TIGD6: variants seen among roughly 807,000 people sequenced by gnomAD.
TIGD6 encodes the protein tigger transposable element-derived protein 6.
Under a neutral mutation model 2.6 loss-of-function variants are expected in TIGD6, and 1 was observed. The observed-to-expected ratio is 0.39, with a 90% confidence interval of 0.14 to 1.85. The LOEUF (loss-of-function observed/expected upper bound fraction) is 1.85. Ranked by LOEUF, TIGD6 falls within the 40% of genes most tolerant of loss-of-function variation. The probability of loss-of-function intolerance (pLI) is 0.32; values close to 1 mark genes in which losing one functional copy is unlikely to be tolerated. For missense variants in TIGD6, 601 were observed against 634.2 expected (o/e 0.95, Z 0.56); for synonymous variants, 193 against 221.9 (o/e 0.87, Z 1.16).
In TIGD6 at chr5:149,995,454, G is replaced by A; in HGVS notation, c.895C>T (p.Gln299Ter). ...CAGTTGGAGGGCAGATACCCAACCT[G>A]AATCCTTTCCAAGTGTGGAAGCATG... is the stretch of plus-strand genomic sequence containing the variant. ...HNMLPHLERI[Q>*]VGYLPSNCTA... is the part of the protein sequence containing the mutation. The change falls in exon 2 of 2, where the codon CAG becomes TAG. Residue 299 changes from glutamine to a stop codon, truncating the protein, a stop_gained. Transcript: ENST00000296736. LOFTEE classifies it low-confidence loss of function (END_TRUNC). 6.2e-6 allele frequency: 10 copies of A among 1,614,244 alleles called. No homozygotes were observed. Among genetic ancestry groups the A allele is most frequent in the Non-Finnish European group, 8.5e-6 (10 of 1,180,038 alleles).
At chr5:149,998,238 G>A (rs554838858) in intron 1 of TIGD6, among the ~76,000 whole-genome samples, 10 of 152,174 alleles carry the variant, frequency 6.6e-5, no homozygotes, top group Non-Finnish European at 1.3e-4. Context: ...GCTGTTCTGT[G>A]GAAAATGGAT....
rs778974944 is a variant in TIGD6, at chr5:149,995,158, G to A, written c.1191C>T (p.Ala397=). Residue 397 remains alanine, a synonymous_variant, in exon 2 of 2, where the codon GCC becomes GCT. Transcript: ENST00000296736. ...TESAASEPDI[A]IEKLWHTVAI... ...CCACTGTGTGCCACAACTTTTCAAT[G>A]GCAATGTCTGGTTCACTGGCTGCTG... The A allele has an allele frequency of 6.2e-7, 1 of 1,614,214 alleles. No individual in the cohort carries two copies. Among genetic ancestry groups the A allele is most frequent in the South Asian group, 1.1e-5 (1 of 91,084 alleles).
At chr5:149,999,492 G>A (rs1417445280) in intron 1 of TIGD6, among the ~76,000 whole-genome samples, 2 of 152,050 alleles carry the variant, frequency 1.3e-5, no homozygotes, top group African/African-American at 4.8e-5. Context: ...GAGATGGTGA[G>A]TAGTAGTCAG....
intron 1 of TIGD6, among the ~76,000 whole-genome samples, chr5:149,997,991 G>A (rs899060692): frequency 9.2e-5 from 14 of 152,090 alleles, no homozygotes; most frequent in African/African-American, 3.1e-4. Flanking sequence ...ATAACTGGGT[G>A]TGGTGGCGCA....
chr5:149,997,818 G>A (rs963051915), intron 1 of TIGD6, among the ~76,000 whole-genome samples: 22 of 151,934 alleles, frequency 1.4e-4, no homozygotes, highest in Non-Finnish European at 2.5e-4. Flanking sequence ...AAAATTAGCC[G>A]GGCGTGGTGG....
In TIGD6 at chr5:149,996,093, A is replaced by ATGG. The variant is rs1755379306; in HGVS notation, c.255_256insCCA (p.Trp85_Phe86insPro). ...ATGTTTTTGGCATGGATTTCTTGAAACCAAGCAAAAACAGCCTTATCAATG... is the reference window on the plus strand; with the variant it reads ...ATGTTTTTGGCATGGATTTCTTGAAATGGCCAAGCAAAAACAGCCTTATCAATG... On this transcript the variant is annotated inframe_insertion, in exon 2 of 2. Coordinates refer to ENST00000296736, the MANE Select transcript of TIGD6 (RefSeq NM_030953.4). 1 of 1,613,950 alleles carries ATGG rather than the reference A, an allele frequency of 6.2e-7. No homozygotes were observed. The highest frequency in any genetic ancestry group is 8.5e-7 in the Non-Finnish European group (1 of 1,180,012).
intron 1 of TIGD6, among the ~76,000 whole-genome samples, chr5:149,997,145 A>C (rs1172798197): frequency 6.6e-6 from 1 of 152,254 alleles, no homozygotes; most frequent in African/African-American, 2.4e-5. Context: ...TAAAAGAGGA[A>C]GATCTACTTA....
At chr5:149,997,834 G>A (rs569090679) in intron 1 of TIGD6, among the ~76,000 whole-genome samples, 8 of 152,202 alleles carry the variant, frequency 5.3e-5, no homozygotes, top group South Asian at 2.1e-4. Flanking sequence ...GGTGGCGGGC[G>A]CCTGTAGTCC....
chr5:150,000,080 G>C (rs1047832364), intron 1 of TIGD6: 2 of 154,526 alleles, frequency 1.3e-5, no homozygotes, highest in African/African-American at 4.8e-5. Context: ...ATACAGTGAG[G>C]GTTGTGCGGG....
At position 149,997,418 on chromosome 5, in the gene TIGD6, A is replaced by G. The variant is rs1055881683; in HGVS notation, c.-81-989T>C. 3.7e-3 allele frequency among the ~76,000 whole-genome samples: 548 copies of G among 149,238 alleles called. 8 individuals carry two copies. The highest frequency in any genetic ancestry group is 0.013 in the African/African-American group (507 of 40,012). ...CCGGGCGTGGTGGCGGGTGCCTGTAATCCCAGCTACTTGGGATGCTAAGGC... is the reference window on the plus strand; with the variant it reads ...CCGGGCGTGGTGGCGGGTGCCTGTAGTCCCAGCTACTTGGGATGCTAAGGC... On this transcript the variant is annotated intron_variant, in intron 1 of 1. Coordinates refer to ENST00000296736, the MANE Select transcript of TIGD6 (RefSeq NM_030953.4).
Position 149,996,177 on chromosome 5 carries a change from C to A in TIGD6, c.172G>T (p.Val58Leu). The change falls in exon 2 of 2, where the codon GTG becomes TTG. Residue 58 changes from valine to leucine, a missense_variant. Coordinates refer to ENST00000296736, the MANE Select transcript of TIGD6 (RefSeq NM_030953.4). ...LKDRTKFEEK[V>L]REASVGPQRK... ...TGGGGTCCCACGGATGCCTCCCGCA[C>A]CTTTTCTTCAAATTTGGTGCGATCC... is the stretch of plus-strand genomic sequence containing the variant. 1.9e-6 allele frequency: 3 copies of A among 1,614,206 alleles called. No individual in the cohort carries two copies. Among genetic ancestry groups the A allele is most frequent in the South Asian group, 1.1e-5 (1 of 91,084 alleles).
At position 149,995,659 on chromosome 5, in the gene TIGD6, A is replaced by T; in HGVS notation, c.690T>A (p.Gly230=). 6.2e-7 allele frequency: 1 copy of T among 1,614,200 alleles called. No homozygotes were observed. The highest frequency in any genetic ancestry group is 8.5e-7 in the Non-Finnish European group (1 of 1,180,034). ...TGAGGCAGTGTGGGCTGGCTGACCTACCAACAATCAATGGTCTCATTTTTT... is the reference window on the plus strand; with the variant it reads ...TGAGGCAGTGTGGGCTGGCTGACCTTCCAACAATCAATGGTCTCATTTTTT... The part of the protein sequence containing the change: ...GTEKMRPLIV[G]RSASPHCLKN... The change falls in exon 2 of 2, where the codon GGT becomes GGA. Residue 230 remains glycine (G), a synonymous_variant. Transcript: ENST00000296736.
intron 1 of TIGD6, among the ~76,000 whole-genome samples, chr5:149,998,586 C>G (rs576537663): frequency 6.6e-6 from 1 of 152,350 alleles, no homozygotes; most frequent in South Asian, 2.1e-4. Context: ...CCCTGCCCTA[C>G]GCTGGTCCAA....
chr5:149,995,753 TG>T lies in TIGD6; in HGVS notation c.595del (p.His199ThrfsTer12). 6.2e-7 allele frequency: 1 copy of T among 1,614,178 alleles called. No homozygotes were observed. Among genetic ancestry groups the T allele is most frequent in the Admixed American group, 1.7e-5 (1 of 60,028 alleles). On this transcript the variant is annotated frameshift_variant, in exon 2 of 2. Coordinates refer to ENST00000296736, the MANE Select transcript of TIGD6 (RefSeq NM_030953.4). LOFTEE classifies it low-confidence loss of function (END_TRUNC). ...CTTTGCTTTCTTGCCCCCTCTACAG[TG>T]GTCTCCTTTAGCAGCAAGTGTGTGC... ...PQHTLAAKGD[H>X]CRGGKKAKQR...
rs558364259 is a variant in TIGD6, at chr5:149,994,680, G to A, written c.*103C>T. 1.3e-4 allele frequency: 157 copies of A among 1,163,350 alleles called. 2 individuals are homozygous for A. In the South Asian group the frequency reaches 2.8e-3, roughly 21 times the overall value. The allele number at this position is 1,163,350 out of a possible 1,614,324, so 72.1% of individuals were successfully genotyped here. On this transcript the variant is annotated 3_prime_UTR_variant, in exon 2 of 2. Coordinates refer to ENST00000296736, the MANE Select transcript of TIGD6 (RefSeq NM_030953.4). ...AGTTTCCTGGCTATTTCAGAGTACT[G>A]GAATGTTGTCACAATAACATTGCTT... is the stretch of plus-strand genomic sequence containing the variant.
In TIGD6 at chr5:149,995,809, C is replaced by A; in HGVS notation, c.540G>T (p.Glu180Asp). ...YSPDDIFNADETGVFFQLLPQ... is the reference protein window; with the variant it reads ...YSPDDIFNADDTGVFFQLLPQ... ...GAAGCAACTGGAAAAACACTCCTGT[C>A]TCATCAGCATTAAAGATATCATCTG... Residue 180 changes from glutamate to aspartate, a missense_variant, in exon 2 of 2, where the codon GAG becomes GAT. By Grantham distance (45) the Glu-to-Asp change is conservative. Transcript: ENST00000296736. 1 of 1,614,228 alleles carries A rather than the reference C, an allele frequency of 6.2e-7. No individual in the cohort carries two copies. The highest frequency in any genetic ancestry group is 8.5e-7 in the Non-Finnish European group (1 of 1,180,042).
Position 149,995,608 on chromosome 5 carries a change from A to G in TIGD6, c.741T>C (p.Asp247=), listed in dbSNP as rs751298399. The G allele has an allele frequency of 5.6e-6, 9 of 1,614,110 alleles. No individual in the cohort carries two copies. In the South Asian group the frequency reaches 6.6e-5, roughly 12 times the overall value. ...CLKNIHSLPC[D]YRANQWAWMT... ...TCCAAGCCCACTGGTTGGCTCGGTA[A>G]TCACAAGGGAGGGAATGAATGTTCT... The change falls in exon 2 of 2, where the codon GAT becomes GAC. Residue 247 remains aspartate, a synonymous_variant. Coordinates refer to ENST00000296736, the MANE Select transcript of TIGD6 (RefSeq NM_030953.4).
At chr5:149,997,558 A>AC (rs1755421434) in intron 1 of TIGD6, among the ~76,000 whole-genome samples, 1 of 151,078 alleles carries the variant, frequency 6.6e-6, no homozygotes, top group South Asian at 2.1e-4. Context: ...AACAACAACA[A>AC]AAAACAAAAA....
chr5:149,996,451 C>G, intron 1 of TIGD6, 22 bp from the exon 2 acceptor site: 4 of 1,453,856 alleles, frequency 2.8e-6, no homozygotes, highest in Non-Finnish European at 3.7e-6. Flanking sequence ...AAATGGAGTA[C>G]CTATCAGGAA....
Sources: allele counts gnomAD v4.1 joint callset (sites outside exome capture counted in the v4.1 genomes callset), GRCh38; gene constraint gnomAD v4.1.1; transcripts MANE v1.5; gene names NCBI Gene and HGNC (gene_info 2026-07-23, HGNC 2026-07-21).